Variants in NALF1 observed in about 807,000 individuals in gnomAD.
The protein encoded by NALF1 is family with sequence similarity 155 member A.
Under a neutral mutation model 48.4 loss-of-function variants are expected in NALF1, and 3 were observed. That is an observed-to-expected ratio of 0.06 (90% CI 0.03 to 0.16). The LOEUF (loss-of-function observed/expected upper bound fraction) is 0.16, where lower values mean the gene tolerates loss of function less well. NALF1 is among the 10% of genes least tolerant of loss of function. NALF1 has a pLI of 1.00. For missense variants in NALF1, 526 were observed against 571.5 expected (o/e 0.92, Z 0.81); for synonymous variants, 262 against 245.7 (o/e 1.07, Z -0.62).
chr13:107,646,819 T>A (rs1880325342), intron 1 of NALF1, among the ~76,000 whole-genome samples: 1 of 152,112 alleles, frequency 6.6e-6, no homozygotes, highest in African/African-American at 2.4e-5. Context: ...AATATATGAA[T>A]TCATTAGTTT....
At chr13:107,646,872 TC>T (rs1880327162) in intron 1 of NALF1, among the ~76,000 whole-genome samples, 1 of 152,088 alleles carries the variant, frequency 6.6e-6, no homozygotes, top group Non-Finnish European at 1.5e-5. Context: ...ATATGGTGAT[TC>T]TTTTTTATTT....
intron 1 of NALF1, among the ~76,000 whole-genome samples, chr13:107,455,726 C>G (rs1033021444): frequency 6.6e-6 from 1 of 152,200 alleles, no homozygotes; most frequent in South Asian, 2.1e-4. Flanking sequence ...CTGGCAAGCA[C>G]TGATCCCTTT....
At chr13:107,608,957 G>A (rs1182277437) in intron 1 of NALF1, among the ~76,000 whole-genome samples, 1 of 152,206 alleles carries the variant, frequency 6.6e-6, no homozygotes. Flanking sequence ...GGTGCCGAGT[G>A]GGGCAGAGGC....
At chr13:107,452,529 G>C (rs901674683) in intron 1 of NALF1, among the ~76,000 whole-genome samples, 1 of 152,124 alleles carries the variant, frequency 6.6e-6, no homozygotes, top group Admixed American at 6.5e-5. Context: ...CCATCTTCAT[G>C]ATTAAATTAC....
chr13:107,678,252 A>C (rs1881184457), intron 1 of NALF1, among the ~76,000 whole-genome samples: 1 of 152,108 alleles, frequency 6.6e-6, no homozygotes, highest in Admixed American at 6.6e-5. Context: ...AACGGGAGGG[A>C]TGAACTGTGT....
At chr13:107,716,778 T>C (rs762977577) in intron 1 of NALF1, among the ~76,000 whole-genome samples, 2 of 152,060 alleles carry the variant, frequency 1.3e-5, no homozygotes, top group Non-Finnish European at 2.9e-5. Context: ...TTGAATTTGG[T>C]AGGAAGAGCG....
chr13:107,673,690 G>C (rs1239958495), intron 1 of NALF1, among the ~76,000 whole-genome samples: 2 of 152,076 alleles, frequency 1.3e-5, no homozygotes, highest in African/African-American at 4.8e-5. Flanking sequence ...GAATGTTCTT[G>C]ACATGAAGAA....
Position 107,170,308 on chromosome 13 carries a change from AG to A in NALF1, c.*188del. ...TGTGAGAAATTTAAAGTCACTTTCC[AG>A]CCTTTTAGTCAATAAAAAGCTGTGG... On this transcript the variant is annotated 3_prime_UTR_variant, in exon 3 of 3. Coordinates refer to ENST00000375915, the MANE Select transcript of NALF1 (RefSeq NM_001080396.3). The A allele has an allele frequency of 1.9e-6, 1 of 539,732 alleles. No homozygotes were observed. Among genetic ancestry groups the A allele is most frequent in the Non-Finnish European group, 3.3e-6 (1 of 306,898 alleles). 33.4% of individuals were successfully genotyped at this position (539,732 alleles called of 1,614,324 possible). A position where few individuals can be genotyped will look rare whatever the true frequency, so the allele number is the denominator to read the frequency against.
chr13:107,451,233 T>G (rs1289378660), intron 1 of NALF1, among the ~76,000 whole-genome samples: 1 of 151,626 alleles, frequency 6.6e-6, no homozygotes, highest in East Asian at 1.9e-4. Flanking sequence ...AGATGCCAGA[T>G]AGAAAGACCC....
chr13:107,648,958 T>G (rs1158277320), intron 1 of NALF1, among the ~76,000 whole-genome samples: 1 of 152,188 alleles, frequency 6.6e-6, no homozygotes, highest in Non-Finnish European at 1.5e-5. Flanking sequence ...TTTCATCTGC[T>G]TATTTGTCAT....
At chr13:107,514,754 T>G (rs1272513376) in intron 1 of NALF1, among the ~76,000 whole-genome samples, 2 of 152,136 alleles carry the variant, frequency 1.3e-5, no homozygotes, top group South Asian at 4.1e-4. Context: ...AGCAAGTAAA[T>G]GGTAGAGCCT....
intron 1 of NALF1, among the ~76,000 whole-genome samples, chr13:107,482,028 T>C (rs930736506): frequency 6.6e-6 from 1 of 152,014 alleles, no homozygotes; most frequent in Non-Finnish European, 1.5e-5. Context: ...ACCCAGAGAG[T>C]TGGTCAAACA....
rs538288126 is a variant in NALF1 at position 107,177,795 on chromosome 13, A to G, written c.1088-7009T>C. On this transcript the variant is annotated intron_variant, in intron 2 of 2. Transcript: ENST00000375915. ...CCAGGTGCTATGGATCACACTTGTA[A>G]CCCTAGCACTTTGGGAGTCCAAGGC... Among the ~76,000 whole-genome samples, 5 of 152,322 alleles carry G rather than the reference A, an allele frequency of 3.3e-5. No homozygotes were observed. In the South Asian group the frequency reaches 1.0e-3, roughly 32 times the overall value.
At chr13:107,446,260 T>C (rs1019270239) in intron 1 of NALF1, among the ~76,000 whole-genome samples, 2 of 152,142 alleles carry the variant, frequency 1.3e-5, no homozygotes, top group African/African-American at 4.8e-5. Context: ...ATAGTGAAAA[T>C]AAAGTTCCGA....
At chr13:107,664,843 G>A (rs1398887710) in intron 1 of NALF1, among the ~76,000 whole-genome samples, 2 of 151,954 alleles carry the variant, frequency 1.3e-5, no homozygotes, top group East Asian at 3.9e-4. Flanking sequence ...TTTTCCCAGG[G>A]TACCTTGAAT....
intron 1 of NALF1, among the ~76,000 whole-genome samples, chr13:107,677,011 T>C (rs1881147898): frequency 6.6e-6 from 1 of 151,714 alleles, no homozygotes; most frequent in Non-Finnish European, 1.5e-5. Context: ...GAATCATATA[T>C]ATGACCAGAT....
chr13:107,622,598 CT>C (rs1879555583), intron 1 of NALF1, among the ~76,000 whole-genome samples: 1 of 152,172 alleles, frequency 6.6e-6, no homozygotes, highest in African/African-American at 2.4e-5. Flanking sequence ...GAAAAATATA[CT>C]GTACAGTACC....
chr13:107,231,058 C>CAAAAAAAAAAAAAAAAAAAAAAAAAAAAA (rs3072074), intron 1 of NALF1, among the ~76,000 whole-genome samples: 1 of 83,588 alleles, frequency 1.2e-5, no homozygotes, highest in Non-Finnish European at 2.3e-5. Flanking sequence ...AAGACCCGGC[C>CAAAAAAAAAAAAAAAAAAAAAAAAAAAAA]AAAAAAAAAA....
At chr13:107,482,604 T>C (rs1160946025) in intron 1 of NALF1, among the ~76,000 whole-genome samples, 1 of 152,150 alleles carries the variant, frequency 6.6e-6, no homozygotes, top group African/African-American at 2.4e-5. Context: ...GAAATAAACA[T>C]AGCTTTCAGC....
Sources: gnomAD v4.1 joint callset for allele counts (sites outside exome capture counted in the v4.1 genomes callset) on GRCh38, gnomAD v4.1.1 for gene constraint, MANE v1.5 for transcripts, NCBI Gene and HGNC (gene_info 2026-07-23, HGNC 2026-07-21) for gene names.